The following INPP4B variants were observed in gnomAD, a reference collection of about 807,000 sequenced individuals.
The protein encoded by INPP4B is inositol polyphosphate-4-phosphatase type II B, also known as inositol polyphosphate 4-phosphatase type II.
In INPP4B, 55 loss-of-function variants were observed where a neutral mutation model predicts 122.5. The observed-to-expected ratio is 0.45, with a 90% confidence interval of 0.36 to 0.56. INPP4B has a LOEUF of 0.56. Ranked by LOEUF, INPP4B falls within the 20% of genes least tolerant of loss-of-function variation. The pLI, the probability that INPP4B is intolerant of heterozygous loss-of-function variation, is 0.00. For synonymous variants in INPP4B, 403 were observed against 388.7 expected (o/e 1.04, Z -0.43); for missense variants, 1,000 against 1,097.7 (o/e 0.91, Z 1.26).
chr4:142,635,304 T>C (rs145418866), intron 2 of INPP4B, among the ~76,000 whole-genome samples: 4 of 152,190 alleles, frequency 2.6e-5, no homozygotes, highest in African/African-American at 7.2e-5. Flanking sequence ...GTATAGCAAT[T>C]CCTCAAACAG....
chr4:142,611,629 T>C (rs1377829392), intron 2 of INPP4B, among the ~76,000 whole-genome samples: 1 of 140,694 alleles, frequency 7.1e-6, no homozygotes, highest in Admixed American at 7.7e-5. Flanking sequence ...TTCTGTTTTT[T>C]CTTTTTTCTT....
chr4:142,693,370 T>A (rs1459782740), intron 2 of INPP4B, among the ~76,000 whole-genome samples: 3 of 151,594 alleles, frequency 2.0e-5, no homozygotes, highest in East Asian at 3.9e-4. Flanking sequence ...TTAGGCTGAG[T>A]TCCTTAAAGG....
intron 1 of INPP4B, among the ~76,000 whole-genome samples, chr4:142,731,457 G>T (rs923206739): frequency 1.3e-5 from 2 of 152,154 alleles, no homozygotes; most frequent in African/African-American, 2.4e-5. Context: ...AATAATTCTG[G>T]ATCCATATAG....
intron 25 of INPP4B, among the ~76,000 whole-genome samples, chr4:142,077,166 T>G (rs578244384): frequency 6.6e-6 from 1 of 152,080 alleles, no homozygotes; most frequent in South Asian, 2.1e-4. Context: ...CTCTTATAAA[T>G]TCAATATTTA....
At chr4:142,216,233 C>T (rs959712324) in intron 12 of INPP4B, among the ~76,000 whole-genome samples, 2 of 152,194 alleles carry the variant, frequency 1.3e-5, no homozygotes, top group Non-Finnish European at 2.9e-5. Flanking sequence ...CACTAGAGTT[C>T]TATCTCCAAA....
chr4:142,491,499 CAAAAAA>C (rs112986733), intron 2 of INPP4B, among the ~76,000 whole-genome samples: 12 of 151,804 alleles, frequency 7.9e-5, no homozygotes, highest in Middle Eastern at 3.4e-3. Context: ...ATTAAAAAGA[CAAAAAA>C]AATTAGCCAG....
chr4:142,644,921 A>C (rs1049374258), intron 2 of INPP4B, among the ~76,000 whole-genome samples: 1 of 150,442 alleles, frequency 6.6e-6, no homozygotes, highest in African/African-American at 2.4e-5. Context: ...AAAAAAAAAA[A>C]AAAAAGCAAA....
chr4:142,717,766 G>A (rs1251859482), intron 2 of INPP4B, among the ~76,000 whole-genome samples: 2 of 151,986 alleles, frequency 1.3e-5, no homozygotes, highest in Admixed American at 6.6e-5. Flanking sequence ...GGGAGGGATA[G>A]CATTAGGAGA....
At chr4:142,242,146 A>T (rs1859715547) in intron 11 of INPP4B, among the ~76,000 whole-genome samples, 1 of 152,194 alleles carries the variant, frequency 6.6e-6, no homozygotes, top group African/African-American at 2.4e-5. Flanking sequence ...ACACTGACAC[A>T]TCCTCATTTG....
chr4:142,560,476 C>T (rs1730216386), intron 2 of INPP4B: 4 of 152,186 alleles, frequency 2.6e-5, no homozygotes, highest in Admixed American at 2.6e-4. Context: ...AGGTGAAGTT[C>T]CACAATAGGC....
At chr4:142,089,643 GA>G (rs1033474630) in intron 23 of INPP4B, among the ~76,000 whole-genome samples, 51 of 58,960 alleles carry the variant, frequency 8.6e-4, no homozygotes, top group African/African-American at 1.8e-3. Flanking sequence ...TTTATAAAAA[GA>G]AAAAAGCTTA....
chr4:142,505,965 C>T (rs950952708), intron 2 of INPP4B, among the ~76,000 whole-genome samples: 3 of 152,108 alleles, frequency 2.0e-5, no homozygotes, highest in African/African-American at 7.2e-5. Context: ...TTTTCACCCA[C>T]CACATGCCAG....
chr4:142,494,567 C>T (rs1175945852), intron 2 of INPP4B, among the ~76,000 whole-genome samples: 1 of 139,738 alleles, frequency 7.2e-6, no homozygotes, highest in African/African-American at 2.5e-5. Context: ...ATTTTACTCT[C>T]AGTTTTCTTG....
intron 2 of INPP4B, among the ~76,000 whole-genome samples, chr4:142,643,717 G>A (rs188848788): frequency 6.6e-6 from 1 of 152,250 alleles, no homozygotes; most frequent in Non-Finnish European, 1.5e-5. Context: ...AGCTTACCAT[G>A]AAAATACTTA....
chr4:142,617,091 A>G (rs1374901757), intron 2 of INPP4B, among the ~76,000 whole-genome samples: 2 of 152,140 alleles, frequency 1.3e-5, no homozygotes, highest in East Asian at 3.9e-4. Context: ...AGATCTAAAA[A>G]AATAGAATAA....
At chr4:142,531,272 A>T (rs1827577795) in intron 2 of INPP4B, among the ~76,000 whole-genome samples, 1 of 66,926 alleles carries the variant, frequency 1.5e-5, no homozygotes, top group African/African-American at 4.8e-5. Flanking sequence ...AGAGATGATT[A>T]AAAAAAAAGA....
In INPP4B at chr4:142,610,771, A is replaced by T. The variant is rs1742313726; in HGVS notation, c.-191+115068T>A. On this transcript the variant is annotated intron_variant, in intron 2 of 25. Coordinates refer to ENST00000262992, the MANE Select transcript of INPP4B (RefSeq NM_001101669.3). ...GAATATTTTTGAAAATTAACTGAGA[A>T]ATATATATATGTATGTGTACACACA... Among the ~76,000 whole-genome samples the T allele has an allele frequency of 3.9e-5, 6 of 152,128 alleles. No homozygotes were observed. In the South Asian group the frequency reaches 1.2e-3, roughly 32 times the overall value.
chr4:142,470,696 T>A lies in INPP4B; in HGVS notation c.-190-7970A>T, dbSNP rs371875740. On this transcript the variant is annotated intron_variant, in intron 2 of 25. Coordinates refer to ENST00000262992, the MANE Select transcript of INPP4B (RefSeq NM_001101669.3). ...GGCATGCAATAAATATGTCGAATGT[T>A]GAATAAATTAATGAGCTTGTTTCTT... Among the ~76,000 whole-genome samples the A allele has an allele frequency of 2.2e-4, 34 of 152,322 alleles. No individual in the cohort carries two copies. The South Asian group carries it at 7.0e-3, about 32-fold the overall frequency.
intron 2 of INPP4B, among the ~76,000 whole-genome samples, chr4:142,623,433 C>A (rs964596922): frequency 2.0e-5 from 3 of 151,802 alleles, no homozygotes; most frequent in Admixed American, 6.6e-5. Flanking sequence ...TATCTTCATA[C>A]CTTTCTAACC....
Sources: gnomAD v4.1 joint callset for allele counts (sites outside exome capture counted in the v4.1 genomes callset) on GRCh38, gnomAD v4.1.1 for gene constraint, MANE v1.5 for transcripts, NCBI Gene and HGNC (gene_info 2026-07-23, HGNC 2026-07-21) for gene names.